The following C2CD4B variants were observed in gnomAD, a reference collection of about 807,000 sequenced individuals.
The protein encoded by C2CD4B is C2 calcium dependent domain containing 4B.
For synonymous variants in C2CD4B, 347 were observed against 284.9 expected, an observed-to-expected ratio of 1.22 and a Z score of -2.20; for missense variants, 644 against 577.7, an observed-to-expected ratio of 1.11 and a Z score of -1.18.
chr15:62,164,274 C>T lies in C2CD4B; in HGVS notation c.711G>A (p.Leu237=). 1 of 1,426,424 alleles carries T rather than the reference C, an allele frequency of 7.0e-7. No homozygotes were observed. The highest frequency in any genetic ancestry group is 1.4e-5 in the South Asian group (1 of 68,984). 88.4% of individuals were successfully genotyped at this position (1,426,424 alleles called of 1,614,324 possible). A position where few individuals can be genotyped will look rare whatever the true frequency, so the allele number is the denominator to read the frequency against. The part of the protein sequence containing the change: ...LSSRAPLPER[L]EAKGTVALGR... ...CCAGAGCCACGGTGCCCTTGGCCTC[C>T]AGGCGCTCAGGAAGCGGGGCCCTGG... Residue 237 remains leucine, a synonymous_variant, in exon 2 of 2, where the codon CTG becomes CTA. Coordinates refer to ENST00000380392, the MANE Select transcript of C2CD4B (RefSeq NM_001007595.3).
Position 62,163,939 on chromosome 15 carries a change from C to A in C2CD4B, c.1046G>T (p.Arg349Leu), listed in dbSNP as rs1354904482. Residue 349 changes from arginine (R) to leucine (L), a missense_variant, in exon 2 of 2, where the codon CGC becomes CTC. By Grantham distance (102) the Arg-to-Leu change is moderately radical. Coordinates refer to ENST00000380392, the MANE Select transcript of C2CD4B (RefSeq NM_001007595.3). ...RDEGRGRDRGRLLGQGELSLG... is the reference protein window; with the variant it reads ...RDEGRGRDRGLLLGQGELSLG... ...GGACAGCTCACCCTGGCCCAGCAGG[C>A]GGCCCCGATCCCGGCCGCGACCCTC... The A allele has an allele frequency of 6.6e-5, 104 of 1,566,112 alleles. 1 individual carries two copies. In the Admixed American group the frequency reaches 1.8e-3, roughly 28 times the overall value.
In C2CD4B at chr15:62,163,747, CGAT is replaced by C; in HGVS notation, c.*140_*142del. On this transcript the variant is annotated 3_prime_UTR_variant, in exon 2 of 2. Coordinates refer to ENST00000380392, the MANE Select transcript of C2CD4B (RefSeq NM_001007595.3). ...TATCTTTTTCTTCTTTACCAATAGACGATGACAAATGTGGATGGTGAGGAAGTA... is the reference window on the plus strand; with the variant it reads ...TATCTTTTTCTTCTTTACCAATAGACGACAAATGTGGATGGTGAGGAAGTA... The C allele has an allele frequency of 8.6e-7, 1 of 1,159,720 alleles. No homozygotes were observed. The highest frequency in any genetic ancestry group is 1.1e-6 in the Non-Finnish European group (1 of 887,708). The allele number at this position is 1,159,720 out of a possible 1,614,324, so 71.8% of individuals were successfully genotyped here.
chr15:62,164,069 C>T lies in C2CD4B; in HGVS notation c.916G>A (p.Val306Met). The T allele has an allele frequency of 6.3e-7, 1 of 1,580,720 alleles. No individual in the cohort carries two copies. The highest frequency in any genetic ancestry group is 8.6e-7 in the Non-Finnish European group (1 of 1,168,700). Residue 306 changes from valine to methionine, a missense_variant, in exon 2 of 2, where the codon GTG becomes ATG. Transcript: ENST00000380392. ...GAGGCCTTGCGGCTGCGCCCCACCA[C>T]AGCGCTGCATTGCCAACGCGCAGTG... Reference protein sequence around the residue: ...PGTARWQCSAVVGRSRKASFD... With the variant: ...PGTARWQCSAMVGRSRKASFD...
At position 62,165,002 on chromosome 15, in the gene C2CD4B, A is replaced by G; in HGVS notation, c.-18T>C. On this transcript the variant is annotated 5_prime_UTR_variant, in exon 2 of 2. Transcript: ENST00000380392. Reference sequence around the variant, plus strand: ...AGCCGCATCCTTGGAGGCTGGGGCTAGGAGTGGCGGGAAGAGGTGCGCCTG... The same window carrying G: ...AGCCGCATCCTTGGAGGCTGGGGCTGGGAGTGGCGGGAAGAGGTGCGCCTG... 6.7e-7 allele frequency: 1 copy of G among 1,498,296 alleles called. No homozygotes were observed. The highest frequency in any genetic ancestry group is 8.9e-7 in the Non-Finnish European group (1 of 1,125,236). The allele number at this position is 1,498,296 out of a possible 1,614,324, so 92.8% of individuals were successfully genotyped here. A position where few individuals can be genotyped will look rare whatever the true frequency, so the allele number is the denominator to read the frequency against.
rs1448070457 is a variant in C2CD4B at position 62,164,673 on chromosome 15, G to A, written c.312C>T (p.Leu104=). The stretch of plus-strand genomic sequence containing the variant: ...CCTTGCGGCGCGTGTGCGGGCTCTC[G>A]AGCAGCGCGCAGAAGCCGTAGGTGG... ...VRTTYGFCAL[L]ESPHTRRKES... The change falls in exon 2 of 2, where the codon CTC becomes CTT. Residue 104 remains leucine (L), a synonymous_variant. Transcript: ENST00000380392. The A allele has an allele frequency of 2.1e-6, 3 of 1,449,730 alleles. No homozygotes were observed. The highest frequency in any genetic ancestry group is 3.0e-5 in the East Asian group (1 of 32,802). The allele number at this position is 1,449,730 out of a possible 1,614,324, so 89.8% of individuals were successfully genotyped here. A position where few individuals can be genotyped will look rare whatever the true frequency, so the allele number is the denominator to read the frequency against.
At position 62,164,112 on chromosome 15, in the gene C2CD4B, G is replaced by C. The variant is rs751369995; in HGVS notation, c.873C>G (p.Leu291=). 3 of 1,490,456 alleles carry C rather than the reference G, an allele frequency of 2.0e-6. No individual in the cohort carries two copies. Among genetic ancestry groups the C allele is most frequent in the Non-Finnish European group, 2.7e-6 (3 of 1,128,094 alleles). The allele number at this position is 1,490,456 out of a possible 1,614,324, so 92.3% of individuals were successfully genotyped here. Residue 291 remains leucine, a synonymous_variant, in exon 2 of 2, where the codon CTC becomes CTG. Transcript: ENST00000380392. ...GPRAVRCRLS[L]VLRPPGTARW... The stretch of plus-strand genomic sequence containing the variant: ...GCGCAGTGCCCGGCGGCCGCAGGAC[G>C]AGGCTGAGGCGGCAGCGGACGGCGC...
chr15:62,163,789 G>T lies in C2CD4B; in HGVS notation c.*101C>A. On this transcript the variant is annotated 3_prime_UTR_variant, in exon 2 of 2. Transcript: ENST00000380392. The stretch of plus-strand genomic sequence containing the variant: ...GGTGAGGAAGTAAAACGTCAATAAA[G>T]CAGTATCATAAATAAAAAAATAAAT... 1 of 1,328,618 alleles carries T rather than the reference G, an allele frequency of 7.5e-7. No homozygotes were observed. Among genetic ancestry groups the T allele is most frequent in the Non-Finnish European group, 9.7e-7 (1 of 1,033,438 alleles). The allele number at this position is 1,328,618 out of a possible 1,614,324, so 82.3% of individuals were successfully genotyped here.
rs1303531292 is a variant in C2CD4B at position 62,164,853 on chromosome 15, C to A, written c.132G>T (p.Thr44=). The change falls in exon 2 of 2, where the codon ACG becomes ACT. Residue 44 remains threonine (T), a synonymous_variant. Transcript: ENST00000380392. ...CIPPRLPAPC[T]LESPIRAAAV... ...CGGCGGCCCGGATTGGAGACTCGAG[C>A]GTGCAAGGGGCCGGCAGCCGCGGCG... The A allele has an allele frequency of 9.4e-6, 14 of 1,487,464 alleles. No individual in the cohort carries two copies. Among genetic ancestry groups the A allele is most frequent in the Non-Finnish European group, 1.2e-5 (14 of 1,125,208 alleles). The allele number at this position is 1,487,464 out of a possible 1,614,324, so 92.1% of individuals were successfully genotyped here.
In C2CD4B at chr15:62,164,218, G is replaced by C. The variant is rs2049584532; in HGVS notation, c.767C>G (p.Ala256Gly). Residue 256 changes from alanine (A) to glycine (G), a missense_variant, in exon 2 of 2, where the codon GCT becomes GGT. Coordinates refer to ENST00000380392, the MANE Select transcript of C2CD4B (RefSeq NM_001007595.3). ...ACGCCGGGTTCCCGGACAGTACTCA[G>C]CAGCCAGGCGCAGGGCGTCGCCGGC... is the stretch of plus-strand genomic sequence containing the variant. ...GRAGDALRLAAEYCPGTRRLR... is the reference protein window; with the variant it reads ...GRAGDALRLAGEYCPGTRRLR... 1.4e-6 allele frequency: 2 copies of C among 1,468,188 alleles called. No homozygotes were observed. The highest frequency in any genetic ancestry group is 1.8e-6 in the Non-Finnish European group (2 of 1,117,980). 90.9% of individuals were successfully genotyped at this position (1,468,188 alleles called of 1,614,324 possible). A position where few individuals can be genotyped will look rare whatever the true frequency, so the allele number is the denominator to read the frequency against.
In C2CD4B at chr15:62,165,011, G is replaced by T; in HGVS notation, c.-27C>A. 6.7e-7 allele frequency: 1 copy of T among 1,481,540 alleles called. No homozygotes were observed. The allele number at this position is 1,481,540 out of a possible 1,614,324, so 91.8% of individuals were successfully genotyped here. A position where few individuals can be genotyped will look rare whatever the true frequency, so the allele number is the denominator to read the frequency against. On this transcript the variant is annotated 5_prime_UTR_variant, in exon 2 of 2. Coordinates refer to ENST00000380392, the MANE Select transcript of C2CD4B (RefSeq NM_001007595.3). ...CTTGGAGGCTGGGGCTAGGAGTGGC[G>T]GGAAGAGGTGCGCCTGCGGGGGAGA...
chr15:62,164,747 G>T lies in C2CD4B; in HGVS notation c.238C>A (p.Pro80Thr). Residue 80 changes from proline to threonine, a missense_variant, in exon 2 of 2, where the codon CCG (proline) becomes ACG (threonine). Physicochemically the swap from Pro to Thr is conservative, Grantham distance 38. Transcript: ENST00000380392. ...DEDAGRTDWD[P>T]RSQAALSLPH... is the part of the protein sequence containing the mutation. ...AGTGACAGCGCTGCCTGCGAGCGCGGGTCCCAGTCCGTGCGGCCGGCGTCC... is the reference window on the plus strand; with the variant it reads ...AGTGACAGCGCTGCCTGCGAGCGCGTGTCCCAGTCCGTGCGGCCGGCGTCC... 6 of 1,482,308 alleles carry T rather than the reference G, an allele frequency of 4.0e-6. No individual in the cohort carries two copies. The highest frequency in any genetic ancestry group is 5.3e-6 in the Non-Finnish European group (6 of 1,126,706). 91.8% of individuals were successfully genotyped at this position (1,482,308 alleles called of 1,614,324 possible).
In C2CD4B at chr15:62,164,277, G is replaced by A; in HGVS notation, c.708C>T (p.Arg236=). The part of the protein sequence containing the change: ...PLSSRAPLPE[R]LEAKGTVALG... ...GAGCCACGGTGCCCTTGGCCTCCAG[G>A]CGCTCAGGAAGCGGGGCCCTGGATG... Residue 236 remains arginine (R), a synonymous_variant, in exon 2 of 2, where the codon CGC becomes CGT. Transcript: ENST00000380392. The A allele has an allele frequency of 1.4e-6, 2 of 1,425,380 alleles. No individual in the cohort carries two copies. The highest frequency in any genetic ancestry group is 3.2e-5 in the Admixed American group (1 of 31,544). 88.3% of individuals were successfully genotyped at this position (1,425,380 alleles called of 1,614,324 possible).
In C2CD4B at chr15:62,164,096, C is replaced by A; in HGVS notation, c.889G>T (p.Gly297Cys). ...CRLSLVLRPP[G>C]TARWQCSAVV... ...GCGCTGCATTGCCAACGCGCAGTGC[C>A]CGGCGGCCGCAGGACGAGGCTGAGG... The change falls in exon 2 of 2, where the codon GGC becomes TGC. Residue 297 changes from glycine (G) to cysteine (C), a missense_variant. By Grantham distance (159) the Gly-to-Cys change is radical (BLOSUM62 -3). Transcript: ENST00000380392. 1 of 1,523,942 alleles carries A rather than the reference C, an allele frequency of 6.6e-7. No homozygotes were observed. The highest frequency in any genetic ancestry group is 8.8e-7 in the Non-Finnish European group (1 of 1,142,262). The allele number at this position is 1,523,942 out of a possible 1,614,324, so 94.4% of individuals were successfully genotyped here.
Position 62,164,017 on chromosome 15 carries a change from C to A in C2CD4B, c.968G>T (p.Gly323Val). 1.2e-6 allele frequency: 2 copies of A among 1,601,438 alleles called. No homozygotes were observed. Among genetic ancestry groups the A allele is most frequent in the Non-Finnish European group, 1.7e-6 (2 of 1,176,220 alleles). ...ASFDQDFCFD[G>V]LSEDEVRRLA... ...GCGGCGCACCTCGTCTTCCGAGAGG[C>A]CGTCGAAGCAAAAGTCCTGGTCAAA... Residue 323 changes from glycine to valine, a missense_variant, in exon 2 of 2, where the codon GGC (glycine) becomes GTC (valine). Transcript: ENST00000380392.
chr15:62,163,725 C>T lies in C2CD4B; in HGVS notation c.*165G>A. ...TGTGAACAGAACAGGGAGTCATTAT[C>T]TTTTTCTTCTTTACCAATAGACGAT... On this transcript the variant is annotated 3_prime_UTR_variant, in exon 2 of 2. Coordinates refer to ENST00000380392, the MANE Select transcript of C2CD4B (RefSeq NM_001007595.3). The T allele has an allele frequency of 9.5e-7, 1 of 1,050,472 alleles. No homozygotes were observed. Among genetic ancestry groups the T allele is most frequent in the Non-Finnish European group, 1.3e-6 (1 of 791,698 alleles). The allele number at this position is 1,050,472 out of a possible 1,614,324, so 65.1% of individuals were successfully genotyped here. A position where few individuals can be genotyped will look rare whatever the true frequency, so the allele number is the denominator to read the frequency against.
chr15:62,163,578 G>T lies in C2CD4B; in HGVS notation c.*312C>A. ...TTTATTAAAAAAAAACTGTAACATT[G>T]ATAGAAAACCGGAAGGAATTAAAAA... On this transcript the variant is annotated 3_prime_UTR_variant, in exon 2 of 2. Coordinates refer to ENST00000380392, the MANE Select transcript of C2CD4B (RefSeq NM_001007595.3). 1 of 326,924 alleles carries T rather than the reference G, an allele frequency of 3.1e-6. No homozygotes were observed. 20.3% of individuals were successfully genotyped at this position (326,924 alleles called of 1,614,324 possible).
In C2CD4B at chr15:62,164,798, C is replaced by A; in HGVS notation, c.187G>T (p.Asp63Tyr). 6.8e-7 allele frequency: 1 copy of A among 1,473,394 alleles called. No individual in the cohort carries two copies. Among genetic ancestry groups the A allele is most frequent in the Admixed American group, 2.4e-5 (1 of 41,104 alleles). The allele number at this position is 1,473,394 out of a possible 1,614,324, so 91.3% of individuals were successfully genotyped here. A position where few individuals can be genotyped will look rare whatever the true frequency, so the allele number is the denominator to read the frequency against. ...AVPRRCAAESDLWPRAADEDA... is the reference protein window; with the variant it reads ...AVPRRCAAESYLWPRAADEDA... ...TCGTCTGCCGCGCGGGGCCACAGGT[C>A]GCTTTCAGCGGCGCAGCGCCGGGGC... Residue 63 changes from aspartate to tyrosine, a missense_variant, in exon 2 of 2, where the codon GAC (aspartate) becomes TAC (tyrosine). Physicochemically the swap from Asp to Tyr is radical, Grantham distance 160 (BLOSUM62 -3). Transcript: ENST00000380392.
Position 62,164,083 on chromosome 15 carries a change from C to A in C2CD4B, c.902G>T (p.Trp301Leu). ...GCGCCCCACCACAGCGCTGCATTGC[C>A]AACGCGCAGTGCCCGGCGGCCGCAG... ...LVLRPPGTARWQCSAVVGRSR... is the reference protein window; with the variant it reads ...LVLRPPGTARLQCSAVVGRSR... Residue 301 changes from tryptophan to leucine, a missense_variant, in exon 2 of 2, where the codon TGG (tryptophan) becomes TTG (leucine). Physicochemically the swap from Trp to Leu is moderately conservative, Grantham distance 61 (BLOSUM62 -2). Transcript: ENST00000380392. The A allele has an allele frequency of 6.4e-7, 1 of 1,551,928 alleles. No homozygotes were observed. The highest frequency in any genetic ancestry group is 8.7e-7 in the Non-Finnish European group (1 of 1,155,702).
rs1226181682 is a variant in C2CD4B, at chr15:62,163,769, G to T, written c.*121C>A. 1.6e-6 allele frequency: 2 copies of T among 1,257,054 alleles called. No individual in the cohort carries two copies. Among genetic ancestry groups the T allele is most frequent in the Non-Finnish European group, 1.0e-6 (1 of 975,888 alleles). The allele number at this position is 1,257,054 out of a possible 1,614,324, so 77.9% of individuals were successfully genotyped here. A position where few individuals can be genotyped will look rare whatever the true frequency, so the allele number is the denominator to read the frequency against. ...AGACGATGACAAATGTGGATGGTGA[G>T]GAAGTAAAACGTCAATAAAGCAGTA... On this transcript the variant is annotated 3_prime_UTR_variant, in exon 2 of 2. Coordinates refer to ENST00000380392, the MANE Select transcript of C2CD4B (RefSeq NM_001007595.3).
Sources: allele counts gnomAD v4.1 joint callset, GRCh38; gene constraint gnomAD v4.1.1; transcripts MANE v1.5; gene names NCBI Gene and HGNC (gene_info 2026-07-23, HGNC 2026-07-21).